The following ITGB4 variants were observed in gnomAD, a reference collection of about 807,000 sequenced individuals.
ITGB4 encodes the protein integrin subunit beta 4.
A neutral mutation model predicts 207.6 loss-of-function variants in ITGB4; 159 were observed. The observed-to-expected ratio is 0.77, with a 90% CI of 0.67 to 0.87. ITGB4 has a LOEUF of 0.87. Ranked by LOEUF, ITGB4 falls within the 40% of genes least tolerant of loss-of-function variation. The pLI is 0.00. For synonymous variants in ITGB4, 1,020 were observed against 1,062.7 expected (o/e 0.96, Z 0.78); for missense variants, 2,278 against 2,546.8 (o/e 0.89, Z 2.27).
In ITGB4 at chr17:75,750,215, A is replaced by G; in HGVS notation, c.3421A>G (p.Arg1141Gly). The change falls in exon 28 of 40, where the codon AGG (arginine) becomes GGG (glycine). Residue 1141 changes from arginine (R) to glycine (G), a missense_variant. Transcript: ENST00000200181. The surrounding 1 kb of genome is among the most constrained non-coding windows in gnomAD (Gnocchi z 5.5). ...QNPNAKAAGS[R>G]KIHFNWLPPS... is the part of the protein sequence containing the mutation. ...CCCCAATGCTAAGGCCGCTGGGTCC[A>G]GGAAGATCCATTTCAACTGGCTGCC... 2 of 1,613,834 alleles carry G rather than the reference A, an allele frequency of 1.2e-6. No homozygotes were observed. Among genetic ancestry groups the G allele is most frequent in the Non-Finnish European group, 1.7e-6 (2 of 1,180,008 alleles).
At position 75,724,679 on chromosome 17, in the gene ITGB4, G is replaced by A. The variant is rs202079839; in HGVS notation, c.-10-15G>A. On this transcript the variant is annotated splice_polypyrimidine_tract_variant and intron_variant, in intron 1 of 39. Coordinates refer to ENST00000200181, the MANE Select transcript of ITGB4 (RefSeq NM_000213.5). ...GCTGTGGAGGCCTCATGTGTCAATTGTTGCTGTTCTGCAGGAGGAAGAGGA... is the reference window on the plus strand; with the variant it reads ...GCTGTGGAGGCCTCATGTGTCAATTATTGCTGTTCTGCAGGAGGAAGAGGA... 2 of 1,599,682 alleles carry A rather than the reference G, an allele frequency of 1.3e-6. No individual in the cohort carries two copies. Among genetic ancestry groups the A allele is most frequent in the Non-Finnish European group, 1.7e-6 (2 of 1,167,208 alleles).
intron 5 of ITGB4, 45 bp from the exon 6 acceptor site, chr17:75,728,332 G>C: frequency 6.4e-7 from 1 of 1,555,348 alleles, no homozygotes; most frequent in Non-Finnish European, 8.9e-7. Flanking sequence ...GTTTATGCCA[G>C]GCATCAGGGC....
intron 34 of ITGB4, 25 bp downstream of exon 34, chr17:75,754,840 C>G (rs779475585): frequency 5.0e-6 from 8 of 1,613,874 alleles, no homozygotes; most frequent in Non-Finnish European, 6.8e-6. Context: ...CCAACCCTGC[C>G]TCTCCCACTA....
At position 75,721,519 on chromosome 17, in the gene ITGB4, C is replaced by CTAG. The variant is rs2060617160; in HGVS notation, c.-103_-102insAGT. On this transcript the variant is annotated 5_prime_UTR_variant, in exon 1 of 40. Coordinates refer to ENST00000200181, the MANE Select transcript of ITGB4 (RefSeq NM_000213.5). ...GCTCGCCCGCGCGCTGCAGCCCCATCTCCTAGCGGCAGCCCAGGCGCGGAG... is the reference window on the plus strand; with the variant it reads ...GCTCGCCCGCGCGCTGCAGCCCCATCTAGTCCTAGCGGCAGCCCAGGCGCGGAG... 1 of 151,090 alleles carries CTAG rather than the reference C, an allele frequency of 6.6e-6. No individual in the cohort carries two copies. The highest frequency in any genetic ancestry group is 6.6e-5 in the Admixed American group (1 of 15,228). 9.4% of individuals were successfully genotyped at this position (151,090 alleles called of 1,614,324 possible).
Position 75,728,250 on chromosome 17 carries a change from C to T in ITGB4, c.470-127C>T, listed in dbSNP as rs534176497. ...GAACAGACAATGTTGTGAGCATGAA[C>T]CTTTGTCCAGCATGCAAAGCGTTAA... On this transcript the variant is annotated intron_variant, in intron 5 of 39. Coordinates refer to ENST00000200181, the MANE Select transcript of ITGB4 (RefSeq NM_000213.5). The T allele has an allele frequency of 5.2e-6, 4 of 763,614 alleles. No individual in the cohort carries two copies. In the Admixed American group the frequency reaches 5.9e-5, roughly 11 times the overall value. The allele number at this position is 763,614 out of a possible 1,614,324, so 47.3% of individuals were successfully genotyped here.
chr17:75,751,009 G>A lies in ITGB4; in HGVS notation c.3691G>A (p.Val1231Ile), dbSNP rs368177827. ...SEPGRLAFNVVSSTVTQLSWA... is the reference protein window; with the variant it reads ...SEPGRLAFNVISSTVTQLSWA... ...GCCAGGGCGTCTGGCCTTCAATGTC[G>A]TCTCCTCCACGGTGACCCAGCTGAG... is the stretch of plus-strand genomic sequence containing the variant. Residue 1231 changes from valine to isoleucine, a missense_variant, in exon 30 of 40, where the codon GTC becomes ATC. Physicochemically the swap from Val to Ile is conservative, Grantham distance 29. Transcript: ENST00000200181. 22 of 1,613,650 alleles carry A rather than the reference G, an allele frequency of 1.4e-5. No homozygotes were observed. The highest frequency in any genetic ancestry group is 1.7e-5 in the Non-Finnish European group (20 of 1,180,030).
chr17:75,728,260 G>A, intron 5 of ITGB4, 117 bp from the exon 6 acceptor site: 1 of 799,026 alleles, frequency 1.3e-6, no homozygotes. Flanking sequence ...CCTTTGTCCA[G>A]CATGCAAAGC....
chr17:75,741,096 C>G (rs2061099794), intron 23 of ITGB4, 91 bp downstream of exon 23: 1 of 1,432,298 alleles, frequency 7.0e-7, no homozygotes. Context: ...TACTCCATCT[C>G]CATCCCATAG....
At chr17:75,753,703 C>T in intron 32 of ITGB4, 62 bp from the exon 33 acceptor site, 1 of 1,162,258 alleles carries the variant, frequency 8.6e-7, no homozygotes, top group Non-Finnish European at 1.1e-6. Flanking sequence ...CCTTCCCCCG[C>T]CTGGCCCTGC....
At chr17:75,735,073 C>T (rs1465892752) in intron 13 of ITGB4, among the ~76,000 whole-genome samples, 1 of 152,156 alleles carries the variant, frequency 6.6e-6, no homozygotes, top group Non-Finnish European at 1.5e-5. Flanking sequence ...CAAATAAAGA[C>T]AATTTTATTG....
Position 75,740,338 on chromosome 17 carries a change from C to T in ITGB4, c.2447-20C>T. On this transcript the variant is annotated intron_variant, in intron 20 of 39. Coordinates refer to ENST00000200181, the MANE Select transcript of ITGB4 (RefSeq NM_000213.5). This position sits in a 1 kb window ranked among gnomAD's most constrained non-coding sequence, Gnocchi z 5.9. The stretch of plus-strand genomic sequence containing the variant: ...GGGCTGACCACCTCCATCTCACCCC[C>T]TCCCACCGCCTTTCCTTAGTGCCCT... 2.5e-6 allele frequency: 4 copies of T among 1,603,752 alleles called. No individual in the cohort carries two copies. The highest frequency in any genetic ancestry group is 1.7e-5 in the Admixed American group (1 of 59,784).
In ITGB4 at chr17:75,730,792, C is replaced by T; in HGVS notation, c.1003-83C>T. On this transcript the variant is annotated intron_variant, in intron 8 of 39. Transcript: ENST00000200181. Reference sequence around the variant, plus strand: ...ACAGTAGGTTCCAGGCCTCAGTTTCCCCATCCTCAAAGTGGGAAGAATCCT... The same window carrying T: ...ACAGTAGGTTCCAGGCCTCAGTTTCTCCATCCTCAAAGTGGGAAGAATCCT... The T allele has an allele frequency of 2.3e-6, 3 of 1,319,764 alleles. No individual in the cohort carries two copies. In the African/African-American group the frequency reaches 4.3e-5, roughly 19 times the overall value. 81.8% of individuals were successfully genotyped at this position (1,319,764 alleles called of 1,614,324 possible). A position where few individuals can be genotyped will look rare whatever the true frequency, so the allele number is the denominator to read the frequency against.
chr17:75,727,325 A>C lies in ITGB4; in HGVS notation c.162+48A>C, dbSNP rs772279298. ...TGTGGAACAGGCAAGGGTCGGGAAT[A>C]GCTGGTGGAAATGAATCTAGGGTTG... On this transcript the variant is annotated intron_variant, in intron 3 of 39. Coordinates refer to ENST00000200181, the MANE Select transcript of ITGB4 (RefSeq NM_000213.5). The surrounding 1 kb of genome is among the most constrained non-coding windows in gnomAD (Gnocchi z 6.0). The C allele has an allele frequency of 3.1e-6, 5 of 1,612,640 alleles. 1 individual carries two copies. In the South Asian group the frequency reaches 5.5e-5, roughly 18 times the overall value.
chr17:75,727,286 C>T lies in ITGB4; in HGVS notation c.162+9C>T, dbSNP rs200853535. 620 of 1,613,780 alleles carry T rather than the reference C, an allele frequency of 3.8e-4. No individual in the cohort carries two copies. The highest frequency in any genetic ancestry group is 4.8e-4 in the Non-Finnish European group (570 of 1,179,848). On this transcript the variant is annotated intron_variant, in intron 3 of 39. Transcript: ENST00000200181. This position sits in a 1 kb window ranked among gnomAD's most constrained non-coding sequence, Gnocchi z 6.0. ...CCTACTGCACAGACGAGGTGAGGAC[C>T]TGGCCCGGGTTGGTGTGGAACAGGC...
Position 75,756,631 on chromosome 17 carries a change from C to G in ITGB4, c.4897+14C>G. Reference sequence around the variant, plus strand: ...GTCCCCTGCCAGGTGAGTTGCCTCCCCCAGCCCCAGAGCTGCCCCCATCAT... The same window carrying G: ...GTCCCCTGCCAGGTGAGTTGCCTCCGCCAGCCCCAGAGCTGCCCCCATCAT... On this transcript the variant is annotated intron_variant, in intron 36 of 39. Coordinates refer to ENST00000200181, the MANE Select transcript of ITGB4 (RefSeq NM_000213.5). 1 of 1,612,846 alleles carries G rather than the reference C, an allele frequency of 6.2e-7. No individual in the cohort carries two copies. The highest frequency in any genetic ancestry group is 1.1e-5 in the South Asian group (1 of 91,080).
chr17:75,729,178 C>A lies in ITGB4; in HGVS notation c.567-87C>A, dbSNP rs1405357387. On this transcript the variant is annotated intron_variant, in intron 6 of 39. Coordinates refer to ENST00000200181, the MANE Select transcript of ITGB4 (RefSeq NM_000213.5). This position sits in a 1 kb window ranked among gnomAD's most constrained non-coding sequence, Gnocchi z 4.4. ...GGTCTCAAAAAAAAAAAAAAAAATT[C>A]TCCTTCTAGTTGAAACGAGCCAGGG... 202 of 1,097,284 alleles carry A rather than the reference C, an allele frequency of 1.8e-4. No homozygotes were observed. The highest frequency in any genetic ancestry group is 2.4e-4 in the Non-Finnish European group (182 of 766,334). The allele number at this position is 1,097,284 out of a possible 1,614,324, so 68.0% of individuals were successfully genotyped here.
In ITGB4 at chr17:75,747,743, G is replaced by A. The variant is rs576287306; in HGVS notation, c.3112-1098G>A. ...TGCCTCACTGCAACCTCTGCCTCCC[G>A]GGTTCAAGCAATTCTCCTGCCTTAG... On this transcript the variant is annotated intron_variant, in intron 26 of 39. Coordinates refer to ENST00000200181, the MANE Select transcript of ITGB4 (RefSeq NM_000213.5). Among the ~76,000 whole-genome samples the A allele has an allele frequency of 4.1e-3, 628 of 152,218 alleles. 4 individuals are homozygous for A. Among genetic ancestry groups the A allele is most frequent in the African/African-American group, 0.015 (605 of 41,546 alleles).
Position 75,753,763 on chromosome 17 carries a change from A to G in ITGB4, c.4109-2A>G, listed in dbSNP as rs1290721529. Reference sequence around the variant, plus strand: ...CCAACGCGGCCCTTCGTTGTTCCCAAGGCTGCGGCTGGAAGTTCGAGCCCC... The same window carrying G: ...CCAACGCGGCCCTTCGTTGTTCCCAGGGCTGCGGCTGGAAGTTCGAGCCCC... On this transcript the variant is annotated splice_acceptor_variant, in intron 32 of 39. Coordinates refer to ENST00000200181, the MANE Select transcript of ITGB4 (RefSeq NM_000213.5). LOFTEE classifies it high-confidence loss of function. The G allele has an allele frequency of 9.7e-6, 14 of 1,438,646 alleles. No individual in the cohort carries two copies. The highest frequency in any genetic ancestry group is 1.3e-5 in the Non-Finnish European group (14 of 1,097,438). 89.1% of individuals were successfully genotyped at this position (1,438,646 alleles called of 1,614,324 possible).
In ITGB4 at chr17:75,742,394, C is replaced by T. The variant is rs772655205; in HGVS notation, c.2687C>T (p.Pro896Leu). 1.5e-5 allele frequency: 24 copies of T among 1,613,256 alleles called. No homozygotes were observed. The highest frequency in any genetic ancestry group is 2.7e-5 in the African/African-American group (2 of 74,942). Residue 896 changes from proline (P) to leucine (L), a missense_variant, in exon 24 of 40, where the codon CCG becomes CTG. By Grantham distance (98) the Pro-to-Leu change is moderately conservative (BLOSUM62 -3). Coordinates refer to ENST00000200181, the MANE Select transcript of ITGB4 (RefSeq NM_000213.5). This position sits in a 1 kb window ranked among gnomAD's most constrained non-coding sequence, Gnocchi z 5.9. ...TVLMAPRSAK[P>L]ALLKLTEKQV... ...CTGATGGCGCCCCGCTCGGCCAAGC[C>T]GGCCCTGCTGAAGCTTACAGAGAAG...
Sources: allele counts gnomAD v4.1 joint callset (sites outside exome capture counted in the v4.1 genomes callset), GRCh38; gene constraint gnomAD v4.1.1; non-coding constraint Gnocchi (gnomAD v3.1); transcripts MANE v1.5; gene names NCBI Gene and HGNC (gene_info 2026-07-23, HGNC 2026-07-21).